NTM: variants seen among roughly 807,000 people sequenced by gnomAD.
NTM encodes neurotrimin.
NTM carries 13 observed loss-of-function variants against 42.1 expected under a neutral mutation model. That is an observed-to-expected ratio of 0.31 (90% CI 0.20 to 0.49). The LOEUF (loss-of-function observed/expected upper bound fraction) is 0.49. Ranked by LOEUF, NTM falls within the 20% of genes least tolerant of loss-of-function variation. The pLI, the probability that NTM is intolerant of heterozygous loss-of-function variation, is 0.99. For missense variants in NTM, 373 were observed against 452.8 expected (o/e 0.82, Z 1.60); for synonymous variants, 187 against 179.2 (o/e 1.04, Z -0.35).
At chr11:132,238,963 C>G (rs1307963533) in intron 4 of NTM, among the ~76,000 whole-genome samples, 1 of 152,168 alleles carries the variant, frequency 6.6e-6, no homozygotes, top group African/African-American at 2.4e-5. Flanking sequence ...TCTAATAAAA[C>G]AGCAGCATAG....
intron 1 of NTM, among the ~76,000 whole-genome samples, chr11:131,690,738 C>G (rs570420117): frequency 1.3e-5 from 2 of 152,180 alleles, no homozygotes; most frequent in Non-Finnish European, 2.9e-5. Context: ...AAGCGTAGGC[C>G]GTGGCCCACA....
intron 2 of NTM, among the ~76,000 whole-genome samples, chr11:132,022,565 T>G (rs1201097416): frequency 6.6e-6 from 1 of 152,226 alleles, no homozygotes; most frequent in Non-Finnish European, 1.5e-5. Context: ...CCTCTAACAC[T>G]TAGGTCCCTA....
intron 2 of NTM, among the ~76,000 whole-genome samples, chr11:132,137,132 A>G (rs560292617): frequency 1.3e-5 from 2 of 152,366 alleles, no homozygotes; most frequent in African/African-American, 4.8e-5. Flanking sequence ...TTGCAAAAAA[A>G]AGTGTCGATT....
intron 2 of NTM, among the ~76,000 whole-genome samples, chr11:132,134,747 A>ATCTATATC (rs1360180567): frequency 2.0e-4 from 18 of 89,660 alleles, no homozygotes; most frequent in African/African-American, 9.3e-4. Flanking sequence ...ATATATATAT[A>ATCTATATC]TATATATATA....
chr11:131,556,735 T>A (rs1280984640), intron 1 of NTM, among the ~76,000 whole-genome samples: 1 of 151,850 alleles, frequency 6.6e-6, no homozygotes, highest in Admixed American at 6.6e-5. Flanking sequence ...ACCCAGCTAA[T>A]TTTTGTATTT....
At chr11:131,619,037 C>T (rs145078775) in intron 1 of NTM, among the ~76,000 whole-genome samples, 4 of 152,086 alleles carry the variant, frequency 2.6e-5, no homozygotes, top group Non-Finnish European at 4.4e-5. Context: ...GAGAGGTATG[C>T]GAAAACAAAC....
chr11:131,990,205 C>T (rs2066778151), intron 2 of NTM, among the ~76,000 whole-genome samples: 1 of 152,072 alleles, frequency 6.6e-6, no homozygotes, highest in African/African-American at 2.4e-5. Flanking sequence ...ATGGAAAATT[C>T]TAGATTTGAA....
chr11:131,625,996 T>C (rs563871526), intron 1 of NTM, among the ~76,000 whole-genome samples: 1 of 152,358 alleles, frequency 6.6e-6, no homozygotes, highest in African/African-American at 2.4e-5. Flanking sequence ...TTGCAGCTTT[T>C]ATCTGTGGCA....
chr11:131,671,436 G>A (rs2070211239), intron 1 of NTM: 1 of 985,302 alleles, frequency 1.0e-6, no homozygotes. Context: ...GCTCCTGCTT[G>A]CCTGGGCCTT....
chr11:131,722,235 CAAAGG>C (rs1297978049), intron 1 of NTM, among the ~76,000 whole-genome samples: 1 of 152,134 alleles, frequency 6.6e-6, no homozygotes, highest in African/African-American at 2.4e-5. Flanking sequence ...ATAATGTTCT[CAAAGG>C]TTCCGGACCT....
chr11:131,837,082 A>G (rs1042472787), intron 1 of NTM, among the ~76,000 whole-genome samples: 1 of 152,232 alleles, frequency 6.6e-6, no homozygotes, highest in African/African-American at 2.4e-5. Context: ...AACTTAAAAC[A>G]AGAGTCAAGG....
intron 4 of NTM, among the ~76,000 whole-genome samples, chr11:132,274,644 T>G (rs531589603): frequency 6.6e-6 from 1 of 152,158 alleles, no homozygotes; most frequent in Non-Finnish European, 1.5e-5. Context: ...CTTTCTATGA[T>G]TTCAGTCTTT....
At chr11:131,780,934 G>A (rs1356999169) in intron 1 of NTM, among the ~76,000 whole-genome samples, 1 of 152,108 alleles carries the variant, frequency 6.6e-6, no homozygotes, top group Non-Finnish European at 1.5e-5. Context: ...TGGAATCTGT[G>A]TCGTACTTAC....
At chr11:132,159,244 A>T (rs1381712397) in intron 3 of NTM, among the ~76,000 whole-genome samples, 2 of 152,196 alleles carry the variant, frequency 1.3e-5, no homozygotes, top group African/African-American at 4.8e-5. Context: ...GCCAGAGGGC[A>T]CATATACAGG....
intron 1 of NTM, among the ~76,000 whole-genome samples, chr11:131,639,483 C>T (rs996210981): frequency 2.6e-5 from 4 of 152,212 alleles, no homozygotes; most frequent in African/African-American, 9.6e-5. Context: ...TATCACACCA[C>T]AGACATCCTA....
At chr11:131,948,365 A>AAAAAAAACAAAAAAAC (rs1275761157) in intron 2 of NTM, among the ~76,000 whole-genome samples, 1 of 72,846 alleles carries the variant, frequency 1.4e-5, no homozygotes, top group African/African-American at 5.4e-5. Flanking sequence ...ACTCCATCTC[A>AAAAAAAACAAAAAAAC]AAAAAAACAA....
chr11:131,586,130 G>C (rs2058836387), intron 1 of NTM, among the ~76,000 whole-genome samples: 1 of 151,838 alleles, frequency 6.6e-6, no homozygotes, highest in African/African-American at 2.4e-5. Context: ...TTTGGATACA[G>C]GTTCTCTCTC....
chr11:131,719,224 T>C (rs2078064111), intron 1 of NTM, among the ~76,000 whole-genome samples: 1 of 152,138 alleles, frequency 6.6e-6, no homozygotes, highest in Non-Finnish European at 1.5e-5. Context: ...GTGTTTTGTC[T>C]CTCTTGTTGT....
At chr11:131,845,701 A>G (rs2044816587) in intron 1 of NTM, among the ~76,000 whole-genome samples, 1 of 151,886 alleles carries the variant, frequency 6.6e-6, no homozygotes, top group African/African-American at 2.4e-5. Flanking sequence ...AAAAAAATAC[A>G]TTCCTGGATT....
Sources: allele counts gnomAD v4.1 joint callset (sites outside exome capture counted in the v4.1 genomes callset), GRCh38; gene constraint gnomAD v4.1.1; transcripts MANE v1.5; gene names NCBI Gene and HGNC (gene_info 2026-07-23, HGNC 2026-07-21).